Variants in MB21D2 observed in about 807,000 individuals in gnomAD.
MB21D2 encodes the protein nucleotidyltransferase MB21D2.
MB21D2 carries 9 observed loss-of-function variants against 33.3 expected under a neutral mutation model. The ratio of observed to expected loss-of-function variants is 0.27; its 90% confidence interval spans 0.16 to 0.47. MB21D2 has a LOEUF of 0.47. MB21D2 is among the 20% of genes least tolerant of loss of function. The pLI, the probability that MB21D2 is intolerant of heterozygous loss-of-function variation, is 0.99. For missense variants in MB21D2, 540 were observed against 624.6 expected, an observed-to-expected ratio of 0.86 and a Z score of 1.44; for synonymous variants, 241 against 236.3, an observed-to-expected ratio of 1.02 and a Z score of -0.18.
intron 1 of MB21D2, among the ~76,000 whole-genome samples, chr3:192,894,976 A>T (rs1309853764): frequency 6.6e-6 from 1 of 151,716 alleles, no homozygotes; most frequent in Non-Finnish European, 1.5e-5. Context: ...CTCATCTAAG[A>T]GGGTTCTTTG....
chr3:192,832,318 T>C (rs551216148), intron 1 of MB21D2, among the ~76,000 whole-genome samples: 36 of 152,206 alleles, frequency 2.4e-4, no homozygotes, highest in Non-Finnish European at 4.1e-4. Context: ...ATTGCCTTAG[T>C]TACATCTCCT....
chr3:192,875,535 CTA>C (rs964341643), intron 1 of MB21D2, among the ~76,000 whole-genome samples: 3 of 152,038 alleles, frequency 2.0e-5, no homozygotes, highest in Admixed American at 6.6e-5. Context: ...ATTAAATTCG[CTA>C]TGTTTATACA....
chr3:192,879,747 A>T (rs1713519270), intron 1 of MB21D2, among the ~76,000 whole-genome samples: 1 of 152,230 alleles, frequency 6.6e-6, no homozygotes, highest in Admixed American at 6.5e-5. Flanking sequence ...TAAATCTTTC[A>T]TTGATTAATG....
chr3:192,897,754 G>A (rs1242790892), intron 1 of MB21D2, among the ~76,000 whole-genome samples: 1 of 152,136 alleles, frequency 6.6e-6, no homozygotes. Context: ...CACTTTGAGA[G>A]GCCAAGGCAG....
intron 1 of MB21D2, among the ~76,000 whole-genome samples, chr3:192,876,581 G>A (rs933835470): frequency 5.9e-5 from 9 of 152,118 alleles, no homozygotes; most frequent in Non-Finnish European, 8.8e-5. Context: ...CACTTAAAAC[G>A]CTGCAATAGA....
At position 192,798,181 on chromosome 3, in the gene MB21D2, G is replaced by C. The variant is rs1720561543; in HGVS notation, c.*205C>G. The C allele has an allele frequency of 7.1e-6, 4 of 560,790 alleles. No homozygotes were observed. Among genetic ancestry groups the C allele is most frequent in the African/African-American group, 1.9e-5 (1 of 53,434 alleles). The allele number at this position is 560,790 out of a possible 1,614,324, so 34.7% of individuals were successfully genotyped here. A position where few individuals can be genotyped will look rare whatever the true frequency, so the allele number is the denominator to read the frequency against. Reference sequence around the variant, plus strand: ...AAGAGCATGACAATAACTACAAAAAGTAAACAACGAAATCAGAGGCAGAAT... The same window carrying C: ...AAGAGCATGACAATAACTACAAAAACTAAACAACGAAATCAGAGGCAGAAT... On this transcript the variant is annotated 3_prime_UTR_variant, in exon 2 of 2. Transcript: ENST00000392452. The surrounding 1 kb of genome is among the most constrained non-coding windows in gnomAD (Gnocchi z 4.8).
chr3:192,799,380 C>A lies in MB21D2; in HGVS notation c.482G>T (p.Trp161Leu). Residue 161 changes from tryptophan (W) to leucine (L), a missense_variant, in exon 2 of 2, where the codon TGG (tryptophan) becomes TTG (leucine). Trp to Leu is a moderately conservative substitution (Grantham distance 61). Transcript: ENST00000392452. This position sits in a 1 kb window ranked among gnomAD's most constrained non-coding sequence, Gnocchi z 4.1. ...ATCTACAATGGTGCAGCAGTCTTTCCATTTACTGATTGTCCCCTCATCAAA... is the reference window on the plus strand; with the variant it reads ...ATCTACAATGGTGCAGCAGTCTTTCAATTTACTGATTGTCCCCTCATCAAA... ...RLFDEGTISKWKDCCTIVDHI... is the reference protein window; with the variant it reads ...RLFDEGTISKLKDCCTIVDHI... The A allele has an allele frequency of 3.1e-6, 5 of 1,614,226 alleles. No individual in the cohort carries two copies. The highest frequency in any genetic ancestry group is 3.4e-6 in the Non-Finnish European group (4 of 1,180,042).
At position 192,834,371 on chromosome 3, in the gene MB21D2, G is replaced by A. The variant is rs1577177437; in HGVS notation, c.212-34721C>T. On this transcript the variant is annotated intron_variant, in intron 1 of 1. Coordinates refer to ENST00000392452, the MANE Select transcript of MB21D2 (RefSeq NM_178496.4). ...AACAAAAAAACCCAAATCCAGTTAT[G>A]ATGCAAATAAGGACATGAGGACTGA... 2.1e-5 allele frequency among the ~76,000 whole-genome samples: 3 copies of A among 142,850 alleles called. No homozygotes were observed. In the South Asian group the frequency reaches 6.7e-4, roughly 32 times the overall value. 93.7% of individuals were successfully genotyped at this position (142,850 alleles called of 152,430 possible).
At chr3:192,812,728 G>A (rs1452919763) in intron 1 of MB21D2, among the ~76,000 whole-genome samples, 2 of 152,124 alleles carry the variant, frequency 1.3e-5, no homozygotes, top group African/African-American at 4.8e-5. Context: ...TTAGCTCTAG[G>A]ACATTCTCCA....
intron 1 of MB21D2, among the ~76,000 whole-genome samples, chr3:192,834,074 G>A (rs145111808): frequency 2.4e-3 from 358 of 152,264 alleles, no homozygotes; most frequent in African/African-American, 8.2e-3. Context: ...CAGGTACATG[G>A]TACATGGCAG....
intron 1 of MB21D2, among the ~76,000 whole-genome samples, chr3:192,821,078 A>C (rs1414104170): frequency 1.3e-5 from 2 of 152,158 alleles, no homozygotes; most frequent in Non-Finnish European, 2.9e-5. Flanking sequence ...TTCAAATAAC[A>C]ATGAACACAT....
At chr3:192,834,993 A>G (rs1240858126) in intron 1 of MB21D2, among the ~76,000 whole-genome samples, 1 of 150,292 alleles carries the variant, frequency 6.7e-6, no homozygotes, top group Admixed American at 6.6e-5. Flanking sequence ...TATTTTTAGT[A>G]GAGACAGGGT....
chr3:192,837,431 C>T (rs1223039711), intron 1 of MB21D2, among the ~76,000 whole-genome samples: 1 of 152,180 alleles, frequency 6.6e-6, no homozygotes, highest in East Asian at 1.9e-4. Flanking sequence ...CCCACCTGGG[C>T]TTCCCACCAA....
intron 1 of MB21D2, among the ~76,000 whole-genome samples, chr3:192,889,490 T>G (rs1713805219): frequency 6.6e-6 from 1 of 152,098 alleles, no homozygotes; most frequent in African/African-American, 2.4e-5. Context: ...GTGTTATTCT[T>G]TTTAAAAAGT....
chr3:192,837,372 C>T (rs1470047714), intron 1 of MB21D2, among the ~76,000 whole-genome samples: 1 of 152,132 alleles, frequency 6.6e-6, no homozygotes, highest in Non-Finnish European at 1.5e-5. Flanking sequence ...GTCTCCGTCT[C>T]GGCTCCTGGT....
intron 1 of MB21D2, among the ~76,000 whole-genome samples, chr3:192,883,887 T>C (rs909912697): frequency 2.6e-5 from 4 of 152,098 alleles, no homozygotes; most frequent in African/African-American, 9.7e-5. Flanking sequence ...TTTTAGTCAA[T>C]TTAAAATAAA....
At chr3:192,824,691 T>C (rs1224574000) in intron 1 of MB21D2, among the ~76,000 whole-genome samples, 1 of 152,204 alleles carries the variant, frequency 6.6e-6, no homozygotes, top group African/African-American at 2.4e-5. Flanking sequence ...TTATAAAATA[T>C]ATGCATTTAA....
intron 1 of MB21D2, among the ~76,000 whole-genome samples, chr3:192,875,056 G>A (rs190120704): frequency 6.6e-5 from 10 of 151,890 alleles, no homozygotes; most frequent in African/African-American, 2.4e-4. Context: ...CCTAATTTGG[G>A]TGTGCCACCT....
intron 1 of MB21D2, among the ~76,000 whole-genome samples, chr3:192,899,254 C>T (rs189910325): frequency 1.3e-5 from 2 of 152,258 alleles, no homozygotes; most frequent in African/African-American, 2.4e-5. Flanking sequence ...AACAGCCAGG[C>T]GCGGTGGCTC....
Sources: allele counts gnomAD v4.1 joint callset (sites outside exome capture counted in the v4.1 genomes callset), GRCh38; gene constraint gnomAD v4.1.1; non-coding constraint Gnocchi (gnomAD v3.1); transcripts MANE v1.5; gene names NCBI Gene and HGNC (gene_info 2026-07-23, HGNC 2026-07-21).